The following DLGAP2 variants were observed in gnomAD, a reference collection of about 807,000 sequenced individuals.
The protein encoded by DLGAP2 is disks large-associated protein 2.
Under a neutral mutation model 100.3 loss-of-function variants are expected in DLGAP2, and 26 were observed. The ratio of observed to expected loss-of-function variants is 0.26; its 90% CI spans 0.19 to 0.36. The LOEUF is 0.36. Ranked by LOEUF, DLGAP2 falls within the 10% of genes least tolerant of loss-of-function variation. The pLI is 1.00. For missense variants in DLGAP2, 1,858 were observed against 1,453.2 expected (o/e 1.28, Z -4.53); for synonymous variants, 886 against 630.1 (o/e 1.41, Z -6.08).
intron 3 of DLGAP2, among the ~76,000 whole-genome samples, chr8:1,339,990 T>C (rs1016452916): frequency 6.6e-6 from 1 of 152,250 alleles, no homozygotes; most frequent in Non-Finnish European, 1.5e-5. Flanking sequence ...AAATACCTTA[T>C]GTTTAGAAAG....
At chr8:1,423,822 G>A (rs911597870) in intron 3 of DLGAP2, among the ~76,000 whole-genome samples, 1 of 152,164 alleles carries the variant, frequency 6.6e-6, no homozygotes, top group South Asian at 2.1e-4. Flanking sequence ...GGAGAAATTC[G>A]AGCAGGTTAA....
intron 2 of DLGAP2, among the ~76,000 whole-genome samples, chr8:1,154,372 C>T (rs1477142796): frequency 6.6e-6 from 1 of 152,088 alleles, no homozygotes; most frequent in Non-Finnish European, 1.5e-5. Flanking sequence ...TGCCCCCAAA[C>T]GAATACATCG....
rs182241048 is a variant in DLGAP2, at chr8:876,496, A to T, written c.19-31416A>T. Among the ~76,000 whole-genome samples, 4 of 152,290 alleles carry T rather than the reference A, an allele frequency of 2.6e-5. No homozygotes were observed. In the South Asian group the frequency reaches 6.2e-4, roughly 24 times the overall value. ...CCTCTACTGTTTCTGCTGAGAAGTC[A>T]ACTATTAATCAGATTGGATTTCCTT... On this transcript the variant is annotated intron_variant, in intron 1 of 14. Coordinates refer to ENST00000637795, the MANE Select transcript of DLGAP2 (RefSeq NM_001346810.2).
In DLGAP2 at chr8:1,240,174, C is replaced by G. The variant is rs77493224; in HGVS notation, c.74-18677C>G. On this transcript the variant is annotated intron_variant, in intron 2 of 14. Coordinates refer to ENST00000637795, the MANE Select transcript of DLGAP2 (RefSeq NM_001346810.2). ...CTCATACATAGTGTCATGTCTAGTT[C>G]TCTCTCACACAGAGTATCGTGTCTA... Among the ~76,000 whole-genome samples the G allele has an allele frequency of 9.8e-4, 146 of 148,516 alleles. 1 individual carries two copies. Among genetic ancestry groups the G allele is most frequent in the African/African-American group, 3.1e-3 (126 of 40,070 alleles).
chr8:1,501,210 CA>C (rs1799710951), intron 3 of DLGAP2, among the ~76,000 whole-genome samples, 155 bp from the exon 4 acceptor site: 1 of 152,122 alleles, frequency 6.6e-6, no homozygotes, highest in African/African-American at 2.4e-5. Context: ...GTTATTGGCA[CA>C]AAATGCTGGG....
intron 2 of DLGAP2, among the ~76,000 whole-genome samples, chr8:1,124,678 C>A (rs992461998): frequency 6.6e-6 from 1 of 152,160 alleles, no homozygotes; most frequent in Non-Finnish European, 1.5e-5. Flanking sequence ...GTTTTTGATC[C>A]TAAGCAAACA....
chr8:986,341 T>G (rs1304731136), intron 2 of DLGAP2, among the ~76,000 whole-genome samples: 1 of 152,220 alleles, frequency 6.6e-6, no homozygotes, highest in African/African-American at 2.4e-5. Flanking sequence ...AAATTTCACT[T>G]TAAGTTCTGG....
chr8:1,108,187 T>A (rs1223818380), intron 2 of DLGAP2, among the ~76,000 whole-genome samples: 1 of 152,218 alleles, frequency 6.6e-6, no homozygotes, highest in East Asian at 1.9e-4. Flanking sequence ...GGGAAATGAA[T>A]TGGCTGTCAC....
At chr8:1,651,673 A>G (rs4377984) in intron 8 of DLGAP2, among the ~76,000 whole-genome samples, 53,936 of 151,994 alleles carry the variant, frequency 0.35, 9,548 homozygotes, top group East Asian at 0.39. Context: ...TGCGTTCACA[A>G]AACCACCACA....
At chr8:1,496,253 A>G (rs1799542533) in intron 3 of DLGAP2, among the ~76,000 whole-genome samples, 2 of 151,932 alleles carry the variant, frequency 1.3e-5, no homozygotes, top group African/African-American at 4.8e-5. Context: ...AGGTCAGTGC[A>G]GAATCTCTAC....
intron 2 of DLGAP2, among the ~76,000 whole-genome samples, chr8:1,169,073 G>A (rs911069970): frequency 2.1e-4 from 31 of 148,474 alleles, no homozygotes; most frequent in Non-Finnish European, 4.3e-4. Flanking sequence ...GTGTAAGGAA[G>A]GGATCCAGTT....
chr8:1,258,297 A>G (rs1486012787), intron 2 of DLGAP2, among the ~76,000 whole-genome samples: 1 of 152,204 alleles, frequency 6.6e-6, no homozygotes, highest in Non-Finnish European at 1.5e-5. Context: ...ACCTATATAC[A>G]ATTAAGAAAG....
At chr8:1,621,991 T>C (rs1367109497) in intron 6 of DLGAP2, 2 of 152,212 alleles carry the variant, frequency 1.3e-5, no homozygotes, top group African/African-American at 4.8e-5. Flanking sequence ...TTACCCTGAA[T>C]GTGGAAATGA....
chr8:1,451,299 C>T (rs369945157), intron 3 of DLGAP2, among the ~76,000 whole-genome samples: 3 of 152,150 alleles, frequency 2.0e-5, no homozygotes, highest in Non-Finnish European at 2.9e-5. Context: ...TCCCCAGACT[C>T]AGTCCCTGGG....
chr8:1,415,057 T>C (rs1796840784), intron 3 of DLGAP2, among the ~76,000 whole-genome samples: 1 of 152,184 alleles, frequency 6.6e-6, no homozygotes, highest in African/African-American at 2.4e-5. Context: ...ATCCCTGTAT[T>C]ATACTTGTCC....
chr8:1,359,841 G>A (rs1028168829), intron 3 of DLGAP2, among the ~76,000 whole-genome samples: 13 of 152,186 alleles, frequency 8.5e-5, no homozygotes, highest in African/African-American at 2.9e-4. Context: ...CACTCTATAA[G>A]CCTTGCTAGA....
chr8:804,135 T>A (rs1053798552), intron 1 of DLGAP2, among the ~76,000 whole-genome samples: 1 of 152,172 alleles, frequency 6.6e-6, no homozygotes, highest in Admixed American at 6.6e-5. Flanking sequence ...AGGATTCTCA[T>A]TGTGGAGATC....
At position 881,492 on chromosome 8, in the gene DLGAP2, CTCTCTTTT is replaced by C. The variant is rs1232944482; in HGVS notation, c.19-26418_19-26411del. 9.5e-4 allele frequency among the ~76,000 whole-genome samples: 122 copies of C among 128,140 alleles called. 3 individuals are homozygous for C. The highest frequency in any genetic ancestry group is 9.8e-4 in the South Asian group (4 of 4,084). 84.1% of individuals were successfully genotyped at this position (128,140 alleles called of 152,430 possible). A position where few individuals can be genotyped will look rare whatever the true frequency, so the allele number is the denominator to read the frequency against. ...TCTCATCCTCTCCTTACCATTTCAT[CTCTCTTTT>C]TTTTTTTTTTTTTTTTTGAGATGGA... On this transcript the variant is annotated intron_variant, in intron 1 of 14. Coordinates refer to ENST00000637795, the MANE Select transcript of DLGAP2 (RefSeq NM_001346810.2).
chr8:924,036 A>G (rs1378148241), intron 2 of DLGAP2, among the ~76,000 whole-genome samples: 1 of 152,236 alleles, frequency 6.6e-6, no homozygotes, highest in East Asian at 1.9e-4. Context: ...TGAATGTCAC[A>G]TGACAGCATC....
Sources: allele counts gnomAD v4.1 joint callset (sites outside exome capture counted in the v4.1 genomes callset), GRCh38; gene constraint gnomAD v4.1.1; transcripts MANE v1.5; gene names NCBI Gene and HGNC (gene_info 2026-07-23, HGNC 2026-07-21).